CXADR: variants seen among roughly 807,000 people sequenced by gnomAD.
CXADR encodes the protein coxsackievirus and adenovirus receptor.
A neutral mutation model predicts 40.3 loss-of-function variants in CXADR; 20 were observed. The observed-to-expected ratio is 0.50, with a 90% CI of 0.35 to 0.72. The LOEUF (loss-of-function observed/expected upper bound fraction) is 0.72, where lower values mean the gene tolerates loss of function less well. Among genes scored for constraint, CXADR ranks in the 30% least tolerant of loss-of-function variants. The pLI is 0.01. For missense variants in CXADR, 332 were observed against 449.1 expected (o/e 0.74, Z 2.36); for synonymous variants, 150 against 161.3 (o/e 0.93, Z 0.53).
chr21:17,577,612 CTTTTTTTTTTTT>C (rs532541050), intron 7 of CXADR, among the ~76,000 whole-genome samples: 1 of 36,562 alleles, frequency 2.7e-5, no homozygotes, highest in Admixed American at 4.9e-4. Context: ...ATTCTGCAAG[CTTTTTTTTTTTT>C]TTTTTTTTTT....
intron 1 of CXADR, chr21:17,519,075 C>T: frequency 2.1e-6 from 2 of 955,216 alleles, no homozygotes; most frequent in East Asian, 2.5e-5. Context: ...TATGCCCCCT[C>T]TTAATCTTTT....
chr21:17,519,003 A>G lies in CXADR; in HGVS notation c.43+5831A>G, dbSNP rs559671181. 96 of 1,604,210 alleles carry G rather than the reference A, an allele frequency of 6.0e-5. No individual in the cohort carries two copies. The East Asian group carries it at 1.8e-3, about 30-fold the overall frequency. ...ACTTTTCTTGATTCATGCTGTTGGTAAATCTGAAGCAGGGAGGGTCCTCCA... is the reference window on the plus strand; with the variant it reads ...ACTTTTCTTGATTCATGCTGTTGGTGAATCTGAAGCAGGGAGGGTCCTCCA... On this transcript the variant is annotated intron_variant, in intron 1 of 6. Coordinates refer to ENST00000284878, the MANE Select transcript of CXADR (RefSeq NM_001338.5).
the CXADR span, chr21:17,598,807 T>C: frequency 1.2e-6 from 2 of 1,614,002 alleles, no homozygotes; most frequent in Non-Finnish European, 1.7e-6. Flanking sequence ...AATGAATGCA[T>C]TGTTTTTCTC....
the CXADR span, among the ~76,000 whole-genome samples, chr21:17,603,843 T>C: frequency 2.6e-5 from 4 of 152,234 alleles, no homozygotes; most frequent in Non-Finnish European, 2.9e-5. Context: ...GCAGTAACTT[T>C]CTACTTTGTG....
At chr21:17,533,529 C>A (rs896648856) in intron 1 of CXADR, among the ~76,000 whole-genome samples, 4 of 152,136 alleles carry the variant, frequency 2.6e-5, no homozygotes, top group African/African-American at 9.7e-5. Flanking sequence ...AATCTTGCTC[C>A]TTCAGTAGCT....
At chr21:17,560,965 A>G in intron 5 of CXADR, 141 bp downstream of exon 5, 2 of 1,326,874 alleles carry the variant, frequency 1.5e-6, no homozygotes, top group Non-Finnish European at 2.0e-6. Context: ...TAGCTTTTCT[A>G]GAAAAATACA....
At chr21:17,590,919 G>A (rs2061430425) in intron 7 of CXADR, among the ~76,000 whole-genome samples, 1 of 151,984 alleles carries the variant, frequency 6.6e-6, no homozygotes, top group Non-Finnish European at 1.5e-5. Flanking sequence ...ATTACTATCA[G>A]ATGATCAGCC....
At chr21:17,541,492 A>G (rs1195390049) in intron 1 of CXADR, among the ~76,000 whole-genome samples, 1 of 151,982 alleles carries the variant, frequency 6.6e-6, no homozygotes, top group African/African-American at 2.4e-5. Context: ...TGGGAGACGG[A>G]GCTTGCAGTG....
At chr21:17,558,027 A>G (rs1446232636) in intron 3 of CXADR, among the ~76,000 whole-genome samples, 2 of 152,126 alleles carry the variant, frequency 1.3e-5, no homozygotes, top group Non-Finnish European at 1.5e-5. Flanking sequence ...TAATGGAGTT[A>G]GTAGTTGTTC....
At chr21:17,559,215 G>T in intron 4 of CXADR, 84 bp downstream of exon 4, 2 of 1,411,362 alleles carry the variant, frequency 1.4e-6, no homozygotes, top group Non-Finnish European at 9.9e-7. Context: ...TTGAGATAGG[G>T]CCTTGCTCTG....
Position 17,569,927 on chromosome 21 carries a change from G to T in CXADR, c.*4235G>T, listed in dbSNP as rs1027351997. 2.0e-6 allele frequency: 2 copies of T among 985,220 alleles called. No individual in the cohort carries two copies. The highest frequency in any genetic ancestry group is 9.4e-5 in the South Asian group (2 of 21,276). The allele number at this position is 985,220 out of a possible 1,614,324, so 61.0% of individuals were successfully genotyped here. Reference sequence around the variant, plus strand: ...TGAGGAAAATATTCTGACACTTCACGTGTGCAAAGTATAGAACTGACAGTG... The same window carrying T: ...TGAGGAAAATATTCTGACACTTCACTTGTGCAAAGTATAGAACTGACAGTG... On this transcript the variant is annotated 3_prime_UTR_variant, in exon 7 of 7. Coordinates refer to ENST00000284878, the MANE Select transcript of CXADR (RefSeq NM_001338.5).
intron 1 of CXADR, among the ~76,000 whole-genome samples, chr21:17,518,279 A>T (rs1261551095): frequency 6.6e-6 from 1 of 152,180 alleles, no homozygotes; most frequent in Non-Finnish European, 1.5e-5. Context: ...AAACAAAAAA[A>T]CCAGGAATCA....
At chr21:17,618,591 G>T in the CXADR span, among the ~76,000 whole-genome samples, 1 of 151,988 alleles carries the variant, frequency 6.6e-6, no homozygotes, top group Non-Finnish European at 1.5e-5. Context: ...AGGCTGGAGT[G>T]CAATGACACA....
chr21:17,577,844 A>T (rs896022279), intron 7 of CXADR, among the ~76,000 whole-genome samples: 8 of 150,572 alleles, frequency 5.3e-5, no homozygotes, highest in Middle Eastern at 3.5e-3. Flanking sequence ...TGCTTCTCCT[A>T]CTCTCTGCTT....
intron 1 of CXADR, among the ~76,000 whole-genome samples, chr21:17,524,047 T>C (rs1419501900): frequency 2.0e-5 from 3 of 150,948 alleles, no homozygotes; most frequent in African/African-American, 4.9e-5. Context: ...TGTGTGCGTG[T>C]GTGTGTGTGT....
chr21:17,546,157 A>C (rs1430642913), intron 1 of CXADR, among the ~76,000 whole-genome samples: 1 of 152,238 alleles, frequency 6.6e-6, no homozygotes, highest in Non-Finnish European at 1.5e-5. Flanking sequence ...ATTGCTTAGA[A>C]ATATTTTTAA....
the CXADR span, among the ~76,000 whole-genome samples, chr21:17,632,620 C>A: frequency 6.6e-6 from 1 of 152,162 alleles, no homozygotes; most frequent in Non-Finnish European, 1.5e-5. Context: ...GTAATGCCAG[C>A]ACTTTGGGAG....
chr21:17,558,701 A>C (rs780123484), intron 3 of CXADR, among the ~76,000 whole-genome samples: 1 of 152,148 alleles, frequency 6.6e-6, no homozygotes, highest in Non-Finnish European at 1.5e-5. Context: ...GCTTTTTTTC[A>C]GGTGTGCCCC....
In CXADR at chr21:17,560,733, T is replaced by C; in HGVS notation, c.603T>C (p.Asn201=). Residue 201 remains asparagine (N), a synonymous_variant, in exon 5 of 7, where the codon AAT becomes AAC. Transcript: ENST00000284878. ...EMTSSVISVK[N]ASSEYSGTYS... ...CTTCATCTGTTATATCTGTAAAAAA[T>C]GCCTCTTCTGAGTACTCTGGGACAT... 2.5e-6 allele frequency: 4 copies of C among 1,613,608 alleles called. No homozygotes were observed. The highest frequency in any genetic ancestry group is 1.3e-5 in the African/African-American group (1 of 75,036).
Sources: gnomAD v4.1 joint callset for allele counts (sites outside exome capture counted in the v4.1 genomes callset) on GRCh38, gnomAD v4.1.1 for gene constraint, MANE v1.5 for transcripts, NCBI Gene and HGNC (gene_info 2026-07-23, HGNC 2026-07-21) for gene names.